Variants in ZNF423 observed in about 807,000 individuals in gnomAD.
ZNF423 encodes Ebf-associated zinc finger protein.
A neutral mutation model predicts 95.8 loss-of-function variants in ZNF423; 12 were observed. That is an observed-to-expected ratio of 0.13 (90% confidence interval 0.08 to 0.20). The LOEUF is 0.20. ZNF423 is among the 10% of genes least tolerant of loss of function. ZNF423 has a pLI of 1.00. For synonymous variants in ZNF423, 749 were observed against 711.9 expected (o/e 1.05, Z -0.83); for missense variants, 1,316 against 1,737.1 (o/e 0.76, Z 4.31).
Position 49,646,574 on chromosome 16 carries a change from C to CTTTTTTTTTT in ZNF423, c.302-7710_302-7701dup, listed in dbSNP as rs71380366. Among the ~76,000 whole-genome samples the CTTTTTTTTTT allele has an allele frequency of 3.6e-4, 43 of 117,984 alleles. 6 individuals carry two copies. Among genetic ancestry groups the CTTTTTTTTTT allele is most frequent in the African/African-American group, 4.8e-4 (16 of 33,622 alleles). The allele number at this position is 117,984 out of a possible 152,430, so 77.4% of individuals were successfully genotyped here. A position where few individuals can be genotyped will look rare whatever the true frequency, so the allele number is the denominator to read the frequency against. On this transcript the variant is annotated intron_variant, in intron 3 of 7. Transcript: ENST00000563137. Reference sequence around the variant, plus strand: ...TTATGGCACATTTTCTTTTCTTTTTCTTTTTTTTTTTTTTGAGAAGGAGTC... The same window carrying CTTTTTTTTTT: ...TTATGGCACATTTTCTTTTCTTTTTCTTTTTTTTTTTTTTTTTTTTTTTTGAGAAGGAGTC...
In ZNF423 at chr16:49,491,312, G is replaced by A. The variant is rs2151640507; in HGVS notation, c.3850-8C>T. The stretch of plus-strand genomic sequence containing the variant: ...CTGGCTCATCGTGTGGTTCTGCAAA[G>A]GCGAAGAAAGGAGACACACATGAAG... On this transcript the variant is annotated splice_region_variant and splice_polypyrimidine_tract_variant and intron_variant, in intron 7 of 7. Transcript: ENST00000563137. 4 of 1,613,990 alleles carry A rather than the reference G, an allele frequency of 2.5e-6. No individual in the cohort carries two copies. In the South Asian group the frequency reaches 4.4e-5, roughly 18 times the overall value.
chr16:49,832,392 G>A (rs1281304747), intron 1 of ZNF423, among the ~76,000 whole-genome samples: 1 of 152,204 alleles, frequency 6.6e-6, no homozygotes, highest in Non-Finnish European at 1.5e-5. Context: ...TCTGAGCAAA[G>A]ACAAGCTCCT....
chr16:49,532,230 A>G (rs1343716473), intron 5 of ZNF423, among the ~76,000 whole-genome samples: 2 of 151,802 alleles, frequency 1.3e-5, no homozygotes, highest in South Asian at 4.2e-4. Context: ...GCTGCTGGAG[A>G]CTCTGACGGT....
chr16:49,638,112 T>A lies in ZNF423; in HGVS notation c.1064A>T (p.Gln355Leu), dbSNP rs1324286593. ...GVYCHLDSHRQPDSSNHSVSP... is the reference protein window; with the variant it reads ...GVYCHLDSHRLPDSSNHSVSP... ...GACACTGTGGTTGCTGGAGTCGGGCTGCCGGTGGCTGTCCAGGTGGCAGTA... is the reference window on the plus strand; with the variant it reads ...GACACTGTGGTTGCTGGAGTCGGGCAGCCGGTGGCTGTCCAGGTGGCAGTA... The change falls in exon 4 of 8, where the codon CAG becomes CTG. Residue 355 changes from glutamine (Q) to leucine (L), a missense_variant. Around this residue, in one of 6 missense-constraint regions of ZNF423, gnomAD observed 399 missense variants for 478.5 expected, o/e 0.83. Coordinates refer to ENST00000563137, the MANE Select transcript of ZNF423 (RefSeq NM_001379286.1). The surrounding 1 kb of genome is among the most constrained non-coding windows in gnomAD (Gnocchi z 5.6). 6.2e-7 allele frequency: 1 copy of A among 1,613,244 alleles called. No individual in the cohort carries two copies. The highest frequency in any genetic ancestry group is 2.2e-5 in the East Asian group (1 of 44,880).
intron 2 of ZNF423, among the ~76,000 whole-genome samples, chr16:49,789,012 G>A (rs898356029): frequency 8.5e-5 from 13 of 152,174 alleles, no homozygotes; most frequent in African/African-American, 2.9e-4. Context: ...GACACCCCAC[G>A]AGTCTGAGCT....
chr16:49,833,877 C>A (rs1168727598), intron 1 of ZNF423, among the ~76,000 whole-genome samples: 7 of 152,206 alleles, frequency 4.6e-5, no homozygotes, highest in African/African-American at 1.7e-4. Flanking sequence ...CTCCAGGCCG[C>A]TCCTGGATCC....
chr16:49,765,005 C>T (rs541267815), intron 2 of ZNF423, among the ~76,000 whole-genome samples: 76 of 151,714 alleles, frequency 5.0e-4, no homozygotes, highest in Non-Finnish European at 7.7e-4. Flanking sequence ...GTGATTTGCC[C>T]GCCTCATCTC....
At chr16:49,776,872 C>A (rs973783401) in intron 2 of ZNF423, among the ~76,000 whole-genome samples, 1 of 152,224 alleles carries the variant, frequency 6.6e-6, no homozygotes, top group Non-Finnish European at 1.5e-5. Context: ...TCTTGAACAC[C>A]CCGCCTGGGC....
At chr16:49,705,449 G>A (rs945220090) in intron 3 of ZNF423, among the ~76,000 whole-genome samples, 1 of 152,238 alleles carries the variant, frequency 6.6e-6, no homozygotes. Flanking sequence ...GTGGATGGAT[G>A]AATGCCAAAA....
intron 5 of ZNF423, among the ~76,000 whole-genome samples, chr16:49,529,553 G>A (rs922291140): frequency 1.3e-5 from 2 of 152,212 alleles, no homozygotes; most frequent in African/African-American, 4.8e-5. Flanking sequence ...CTTTGTGGAA[G>A]AGCATCGTGC....
In ZNF423 at chr16:49,603,653, GC is replaced by G. The variant is rs1332903654; in HGVS notation, c.3601+22516del. On this transcript the variant is annotated intron_variant, in intron 5 of 7. Coordinates refer to ENST00000563137, the MANE Select transcript of ZNF423 (RefSeq NM_001379286.1). This position sits in a 1 kb window ranked among gnomAD's most constrained non-coding sequence, Gnocchi z 4.1. The stretch of plus-strand genomic sequence containing the variant: ...TCGAACTCCTGATCTCAGGTGATCC[GC>G]CCACCTCGGCCTCCCAAAGTCCTGG... 6.6e-6 allele frequency among the ~76,000 whole-genome samples: 1 copy of G among 152,072 alleles called. No homozygotes were observed. Among genetic ancestry groups the G allele is most frequent in the Non-Finnish European group, 1.5e-5 (1 of 67,996 alleles).
intron 1 of ZNF423, among the ~76,000 whole-genome samples, chr16:49,791,112 G>A (rs961779229): frequency 1.3e-5 from 2 of 152,144 alleles, no homozygotes; most frequent in African/African-American, 2.4e-5. Context: ...GAACATCCAC[G>A]AGCAACTAGC....
At chr16:49,686,380 G>C (rs1161990402) in intron 3 of ZNF423, among the ~76,000 whole-genome samples, 1 of 152,142 alleles carries the variant, frequency 6.6e-6, no homozygotes, top group African/African-American at 2.4e-5. Flanking sequence ...CCATGCTGGG[G>C]CAGGAGGGGA....
chr16:49,705,740 G>T (rs933575442), intron 3 of ZNF423, among the ~76,000 whole-genome samples: 32 of 152,042 alleles, frequency 2.1e-4, no homozygotes, highest in Non-Finnish European at 7.3e-5. Context: ...TAGAGATGGG[G>T]TTTCGCCATG....
At chr16:49,750,527 G>A (rs1417229990) in intron 2 of ZNF423, among the ~76,000 whole-genome samples, 2 of 152,166 alleles carry the variant, frequency 1.3e-5, no homozygotes, top group Non-Finnish European at 2.9e-5. Context: ...AGAGCCCCCA[G>A]GGTCAGCCAG....
At chr16:49,541,548 T>C (rs753929603) in intron 5 of ZNF423, among the ~76,000 whole-genome samples, 32 of 152,244 alleles carry the variant, frequency 2.1e-4, no homozygotes, top group Non-Finnish European at 4.0e-4. Context: ...AGGCAGGATA[T>C]GTTTTTCTTA....
At position 49,764,221 on chromosome 16, in the gene ZNF423, G is replaced by A. The variant is rs191104698; in HGVS notation, c.100+25266C>T. Among the ~76,000 whole-genome samples the A allele has an allele frequency of 1.6e-3, 245 of 152,258 alleles. 2 individuals are homozygous for A. The highest frequency in any genetic ancestry group is 5.2e-3 in the African/African-American group (217 of 41,554). On this transcript the variant is annotated intron_variant, in intron 2 of 7. Coordinates refer to ENST00000563137, the MANE Select transcript of ZNF423 (RefSeq NM_001379286.1). ...GAACATGAGAGCCACTCCCAGATAC[G>A]CAGCCTCTCACCACCAGTCCCCTCC...
chr16:49,795,911 G>A (rs1299963169), intron 1 of ZNF423, among the ~76,000 whole-genome samples: 2 of 152,178 alleles, frequency 1.3e-5, no homozygotes, highest in Non-Finnish European at 2.9e-5. Context: ...TGTGAGTCAA[G>A]ATCCTCAACA....
intron 3 of ZNF423, among the ~76,000 whole-genome samples, chr16:49,702,178 G>T (rs1199444730): frequency 6.6e-6 from 1 of 152,218 alleles, no homozygotes; most frequent in Non-Finnish European, 1.5e-5. Context: ...AACATGTGTT[G>T]CTGACATGTT....
Sources: gnomAD v4.1 joint callset for allele counts (sites outside exome capture counted in the v4.1 genomes callset) on GRCh38, gnomAD v4.1.1 for gene constraint, gnomAD v4.1.1 regional missense constraint, Gnocchi (gnomAD v3.1) non-coding constraint, MANE v1.5 for transcripts, NCBI Gene and HGNC (gene_info 2026-07-23, HGNC 2026-07-21) for gene names.